Variants in RPE65 observed in about 807,000 individuals in gnomAD.
The protein encoded by RPE65 is retinoid isomerohydrolase RPE65, also known as retinoid isomerohydrolase.
In RPE65, 58 loss-of-function variants were observed where a neutral mutation model predicts 68.5. The observed-to-expected ratio is 0.85, with a 90% CI of 0.69 to 1.05. RPE65 has a LOEUF of 1.05. Among genes scored for constraint, RPE65 ranks in the 50% least tolerant of loss-of-function variants. The pLI is 0.00. For missense variants in RPE65, 643 were observed against 629.9 expected, an observed-to-expected ratio of 1.02 and a Z score of -0.22; for synonymous variants, 220 against 222.2, an observed-to-expected ratio of 0.99 and a Z score of 0.09.
At chr1:68,446,188 C>T (rs1284391100) in intron 3 of RPE65, among the ~76,000 whole-genome samples, 1 of 152,026 alleles carries the variant, frequency 6.6e-6, no homozygotes, top group Non-Finnish European at 1.5e-5. Flanking sequence ...CATGTTTCAT[C>T]CTTCACTACT....
chr1:68,446,889 T>C (rs372310414), intron 2 of RPE65, 29 bp from the exon 3 acceptor site: 16 of 1,612,436 alleles, frequency 9.9e-6, no homozygotes, highest in Admixed American at 1.7e-5. Flanking sequence ...AGAACATTGC[T>C]TCTTATCCCT....
Position 68,440,883 on chromosome 1 carries a change from T to C in RPE65, c.613A>G (p.Asn205Asp). Residue 205 changes from asparagine (N) to aspartate (D), a missense_variant, in exon 6 of 14, where the codon AAC (asparagine) becomes GAC (aspartate). Physicochemically the swap from Asn to Asp is conservative, Grantham distance 23. Transcript: ENST00000262340. ...CFGKNFSIAYNIVKIPPLQAD... is the reference protein window; with the variant it reads ...CFGKNFSIAYDIVKIPPLQAD... ...TGCAGTGGTGGGATCTTTACAATGTTGTAGGCAATTGAAAAATTTTTTCCA... is the reference window on the plus strand; with the variant it reads ...TGCAGTGGTGGGATCTTTACAATGTCGTAGGCAATTGAAAAATTTTTTCCA... 1 of 1,614,068 alleles carries C rather than the reference T, an allele frequency of 6.2e-7. No homozygotes were observed. Among genetic ancestry groups the C allele is most frequent in the Non-Finnish European group, 8.5e-7 (1 of 1,179,928 alleles).
chr1:68,439,382 A>C, intron 7 of RPE65, 59 bp from the exon 8 acceptor site: 1 of 1,608,012 alleles, frequency 6.2e-7, no homozygotes, highest in South Asian at 1.1e-5. Flanking sequence ...GCCACAGACA[A>C]ATTTGTATAT....
At chr1:68,439,162 C>T (rs746427254) in intron 8 of RPE65, 29 bp downstream of exon 8, 6 of 1,614,018 alleles carry the variant, frequency 3.7e-6, no homozygotes, top group Non-Finnish European at 4.2e-6. Flanking sequence ...TTCAGAATCA[C>T]AAACTTGACA....
Position 68,431,553 on chromosome 1 carries a change from G to T in RPE65, c.1161C>A (p.Pro387=), listed in dbSNP as rs1290877282. 5 of 1,613,724 alleles carry T rather than the reference G, an allele frequency of 3.1e-6. No individual in the cohort carries two copies. The highest frequency in any genetic ancestry group is 3.4e-6 in the Non-Finnish European group (4 of 1,179,884). The part of the protein sequence containing the change: ...ADTGKNLVTL[P]NTTATAILCS... Reference sequence around the variant, plus strand: ...ACAGAATTGCAGTGGCAGTTGTATTGGGGAGCGTGACTAAATTCTTGCCTG... The same window carrying T: ...ACAGAATTGCAGTGGCAGTTGTATTTGGGAGCGTGACTAAATTCTTGCCTG... Residue 387 remains proline (P), a synonymous_variant, in exon 11 of 14, where the codon CCC becomes CCA. Transcript: ENST00000262340.
At chr1:68,434,091 GATAT>G (rs56401732) in intron 10 of RPE65, among the ~76,000 whole-genome samples, 1,519 of 138,512 alleles carry the variant, frequency 0.011, 12 homozygotes, top group South Asian at 0.026. Flanking sequence ...GGGCATGAGG[GATAT>G]ATATATATAT....
rs1457086571 is a variant in RPE65 at position 68,439,256 on chromosome 1, G to A, written c.793C>T (p.Leu265Phe). ...TPVKINLFKF[L>F]SSWSLWGANY... ...GCTCCCCAAAGACTCCATGAAGAAA[G>A]GAACTTGAACAGGTTAATTTTGACT... The change falls in exon 8 of 14, where the codon CTT becomes TTT. Residue 265 changes from leucine to phenylalanine, a missense_variant. Physicochemically the swap from Leu to Phe is conservative, Grantham distance 22. Coordinates refer to ENST00000262340, the MANE Select transcript of RPE65 (RefSeq NM_000329.3). The A allele has an allele frequency of 1.2e-6, 2 of 1,614,024 alleles. No homozygotes were observed. The highest frequency in any genetic ancestry group is 1.7e-5 in the Admixed American group (1 of 60,014).
chr1:68,429,583 A>G lies in RPE65; in HGVS notation c.*193T>C. ...TCACAGAGGAAGTATGATTATCTAAATACGTACTTTTTTTTTTAAATAAAG... is the reference window on the plus strand; with the variant it reads ...TCACAGAGGAAGTATGATTATCTAAGTACGTACTTTTTTTTTTAAATAAAG... On this transcript the variant is annotated 3_prime_UTR_variant, in exon 14 of 14. Coordinates refer to ENST00000262340, the MANE Select transcript of RPE65 (RefSeq NM_000329.3). The G allele has an allele frequency of 1.6e-6, 1 of 626,876 alleles. No homozygotes were observed. Among genetic ancestry groups the G allele is most frequent in the Non-Finnish European group, 2.8e-6 (1 of 361,564 alleles). The allele number at this position is 626,876 out of a possible 1,614,324, so 38.8% of individuals were successfully genotyped here. A position where few individuals can be genotyped will look rare whatever the true frequency, so the allele number is the denominator to read the frequency against.
At chr1:68,445,564 A>G (rs1475231108) in intron 3 of RPE65, among the ~76,000 whole-genome samples, 2 of 152,138 alleles carry the variant, frequency 1.3e-5, no homozygotes, top group South Asian at 2.1e-4. Flanking sequence ...CCCAGGCTGG[A>G]GTGCAGTGGC....
chr1:68,440,376 C>T (rs912968090), intron 6 of RPE65, among the ~76,000 whole-genome samples: 2 of 152,122 alleles, frequency 1.3e-5, no homozygotes, highest in Non-Finnish European at 2.9e-5. Context: ...ACTCTTTTTG[C>T]TGTAGTTCTT....
chr1:68,444,459 A>G, intron 5 of RPE65, 72 bp downstream of exon 5: 2 of 1,570,126 alleles, frequency 1.3e-6, no homozygotes, highest in South Asian at 2.2e-5. Flanking sequence ...TCGCAGCATG[A>G]ATAATTTATG....
At chr1:68,431,726 A>G in intron 10 of RPE65, 141 bp from the exon 11 acceptor site, 1 of 731,664 alleles carries the variant, frequency 1.4e-6, no homozygotes, top group East Asian at 2.7e-5. Flanking sequence ...TAGATGAGGG[A>G]CCCTGGGACG....
At chr1:68,444,257 A>C (rs1427167143) in intron 5 of RPE65, among the ~76,000 whole-genome samples, 3 of 152,208 alleles carry the variant, frequency 2.0e-5, no homozygotes, top group Non-Finnish European at 4.4e-5. Context: ...ATGAAGAAAC[A>C]ATGTTTGTCC....
intron 5 of RPE65, among the ~76,000 whole-genome samples, chr1:68,443,805 A>G (rs1225080333): frequency 9.2e-5 from 14 of 152,202 alleles, no homozygotes; most frequent in Non-Finnish European, 1.5e-5. Context: ...ATCTTAGTAA[A>G]TATTGGTTCA....
intron 4 of RPE65, 48 bp downstream of exon 4, chr1:68,444,728 G>C: frequency 6.2e-7 from 1 of 1,613,928 alleles, no homozygotes; most frequent in Admixed American, 1.7e-5. Flanking sequence ...GAGAGAAAAA[G>C]GGCTAATATA....
At chr1:68,445,770 C>T (rs1397514843) in intron 3 of RPE65, among the ~76,000 whole-genome samples, 2 of 152,022 alleles carry the variant, frequency 1.3e-5, no homozygotes, top group Non-Finnish European at 2.9e-5. Context: ...GCCGCCTTGG[C>T]CTCCCAAAGT....
In RPE65 at chr1:68,433,028, G is replaced by A. The variant is rs531791669; in HGVS notation, c.1129-1443C>T. Among the ~76,000 whole-genome samples the A allele has an allele frequency of 4.6e-5, 7 of 152,254 alleles. No homozygotes were observed. The South Asian group carries it at 1.0e-3, about 23-fold the overall frequency. ...AATGTTGATGTCACAACAAAGATAGGAACTACAGGTGGAGTAAATTTTTGG... is the reference window on the plus strand; with the variant it reads ...AATGTTGATGTCACAACAAAGATAGAAACTACAGGTGGAGTAAATTTTTGG... On this transcript the variant is annotated intron_variant, in intron 10 of 13. Coordinates refer to ENST00000262340, the MANE Select transcript of RPE65 (RefSeq NM_000329.3).
At chr1:68,442,918 T>C (rs1645913344) in intron 5 of RPE65, among the ~76,000 whole-genome samples, 2 of 152,210 alleles carry the variant, frequency 1.3e-5, no homozygotes, top group Admixed American at 6.5e-5. Context: ...GCTTGTGCTA[T>C]TGAGACTCAA....
chr1:68,443,361 C>T (rs890071692), intron 5 of RPE65, among the ~76,000 whole-genome samples: 24 of 152,242 alleles, frequency 1.6e-4, no homozygotes, highest in African/African-American at 5.8e-4. Flanking sequence ...GATGCCAAAC[C>T]TCTCCCATGT....
Sources: allele counts gnomAD v4.1 joint callset (sites outside exome capture counted in the v4.1 genomes callset), GRCh38; gene constraint gnomAD v4.1.1; transcripts MANE v1.5; gene names NCBI Gene and HGNC (gene_info 2026-07-23, HGNC 2026-07-21).